The following MAP2 variants were observed in gnomAD, a reference collection of about 807,000 sequenced individuals.
MAP2 encodes microtubule associated protein 2.
MAP2 carries 14 observed loss-of-function variants against 137.6 expected under a neutral mutation model. The ratio of observed to expected loss-of-function variants is 0.10; its 90% CI spans 0.07 to 0.16. MAP2 has a LOEUF of 0.16. Among genes scored for constraint, MAP2 ranks in the 10% least tolerant of loss-of-function variants. The probability of loss-of-function intolerance (pLI) is 1.00; values close to 1 mark genes in which losing one functional copy is unlikely to be tolerated. For synonymous variants in MAP2, 786 were observed against 782.3 expected, an observed-to-expected ratio of 1.00 and a Z score of -0.08; for missense variants, 2,088 against 2,191.5, an observed-to-expected ratio of 0.95 and a Z score of 0.94.
chr2:209,692,737 T>G lies in MAP2; in HGVS notation c.567T>G (p.Gly189=). 1 of 1,614,064 alleles carries G rather than the reference T, an allele frequency of 6.2e-7. No homozygotes were observed. The highest frequency in any genetic ancestry group is 1.3e-5 in the African/African-American group (1 of 75,036). ...EKESEKQSKP[G]EDLKHAALVS... is the part of the protein sequence containing the mutation. Reference sequence around the variant, plus strand: ...AGTCAGAGAAGCAAAGTAAGCCTGGTGAAGACCTTAAACATGCTGCCTTAG... The same window carrying G: ...AGTCAGAGAAGCAAAGTAAGCCTGGGGAAGACCTTAAACATGCTGCCTTAG... The change falls in exon 8 of 16, where the codon GGT becomes GGG. Residue 189 remains glycine (G), a synonymous_variant. Transcript: ENST00000682079.
chr2:209,638,426 A>G (rs1353825469), intron 4 of MAP2, among the ~76,000 whole-genome samples: 1 of 152,154 alleles, frequency 6.6e-6, no homozygotes, highest in African/African-American at 2.4e-5. Flanking sequence ...TCACAATTAC[A>G]GCTGCAGTGG....
chr2:209,525,081 T>G (rs911387520), intron 2 of MAP2, among the ~76,000 whole-genome samples: 39 of 152,160 alleles, frequency 2.6e-4, no homozygotes, highest in African/African-American at 8.9e-4. Flanking sequence ...ACGTTCTAGC[T>G]TTTATCCATA....
rs901522949 is a variant in MAP2 at position 209,560,637 on chromosome 2, C to T, written c.-171-19399C>T. Among the ~76,000 whole-genome samples the T allele has an allele frequency of 1.3e-4, 20 of 152,118 alleles. No individual in the cohort carries two copies. The South Asian group carries it at 4.2e-3, about 32-fold the overall frequency. On this transcript the variant is annotated intron_variant, in intron 2 of 15. Coordinates refer to ENST00000682079, the MANE Select transcript of MAP2 (RefSeq NM_001375505.1). ...CGGGGATTACAAACATGAGGCACTGCACCTTGCCAATGTTTATATTTTTTG... is the reference window on the plus strand; with the variant it reads ...CGGGGATTACAAACATGAGGCACTGTACCTTGCCAATGTTTATATTTTTTG...
chr2:209,473,692 A>G (rs1467623138), intron 1 of MAP2, among the ~76,000 whole-genome samples: 1 of 152,096 alleles, frequency 6.6e-6, no homozygotes, highest in Non-Finnish European at 1.5e-5. Flanking sequence ...GGAATTATTA[A>G]TAGAGATCTC....
chr2:209,464,177 G>A (rs535183512), intron 1 of MAP2, among the ~76,000 whole-genome samples: 31 of 152,186 alleles, frequency 2.0e-4, no homozygotes, highest in Middle Eastern at 3.4e-3. Context: ...TGATTGAAAT[G>A]GTTCACTAAA....
intron 7 of MAP2, among the ~76,000 whole-genome samples, chr2:209,684,060 A>C (rs2055992022): frequency 6.6e-6 from 1 of 152,224 alleles, no homozygotes; most frequent in African/African-American, 2.4e-5. Context: ...CAAGCTGCAC[A>C]CTTAGAAAAG....
chr2:209,572,839 C>T (rs2153377027), intron 2 of MAP2, among the ~76,000 whole-genome samples: 1 of 152,274 alleles, frequency 6.6e-6, no homozygotes, highest in East Asian at 1.9e-4. Flanking sequence ...CAAAAGACAG[C>T]CATGAGAGTG....
chr2:209,707,175 A>T (rs1263665821), intron 12 of MAP2, among the ~76,000 whole-genome samples: 1 of 152,188 alleles, frequency 6.6e-6, no homozygotes, highest in Non-Finnish European at 1.5e-5. Context: ...TTCTCCATAA[A>T]TCCACTTCTT....
rs548113401 is a variant in MAP2, at chr2:209,565,667, G to A, written c.-171-14369G>A. ...TTTCTCACATTTGTCATACAATTTT[G>A]TGATCTTTCTCTCTGAGGCCGTTAG... On this transcript the variant is annotated intron_variant, in intron 2 of 15. Coordinates refer to ENST00000682079, the MANE Select transcript of MAP2 (RefSeq NM_001375505.1). Among the ~76,000 whole-genome samples the A allele has an allele frequency of 7.6e-4, 116 of 151,800 alleles. 1 individual carries two copies. The Middle Eastern group carries it at 0.01, about 13-fold the overall frequency.
chr2:209,544,206 C>G (rs2153274273), intron 2 of MAP2, among the ~76,000 whole-genome samples: 1 of 151,662 alleles, frequency 6.6e-6, no homozygotes, highest in African/African-American at 2.4e-5. Context: ...GCACTCCAGC[C>G]TGGGTGACAG....
At chr2:209,458,887 G>A (rs1474901728) in intron 1 of MAP2, among the ~76,000 whole-genome samples, 1 of 152,112 alleles carries the variant, frequency 6.6e-6, no homozygotes, top group Non-Finnish European at 1.5e-5. Context: ...CTTTTCATAT[G>A]TCAAGCAGAG....
chr2:209,631,741 A>T (rs375413436), intron 4 of MAP2, among the ~76,000 whole-genome samples: 4 of 152,274 alleles, frequency 2.6e-5, no homozygotes, highest in South Asian at 4.1e-4. Context: ...TGAAGCAAAG[A>T]TCTTTCTATT....
At chr2:209,644,753 A>G (rs1220421515) in intron 4 of MAP2, among the ~76,000 whole-genome samples, 1 of 151,952 alleles carries the variant, frequency 6.6e-6, no homozygotes, top group Non-Finnish European at 1.5e-5. Flanking sequence ...TTATATTGCT[A>G]TCATGGTTTG....
At chr2:209,723,580 T>A (rs2153808443) in intron 13 of MAP2, 1 of 1,517,106 alleles carries the variant, frequency 6.6e-7, no homozygotes. Context: ...TGAAGTTACC[T>A]CCAATTCCTT....
intron 13 of MAP2, among the ~76,000 whole-genome samples, chr2:209,723,263 C>T (rs747843236): frequency 2.0e-4 from 30 of 152,160 alleles, no homozygotes; most frequent in Non-Finnish European, 3.5e-4. Flanking sequence ...CTAGAGTGAG[C>T]CTGAGTCCCA....
chr2:209,608,023 C>T (rs2085402372), intron 3 of MAP2, among the ~76,000 whole-genome samples: 1 of 152,152 alleles, frequency 6.6e-6, no homozygotes, highest in Admixed American at 6.5e-5. Context: ...GAGAGATCTC[C>T]TGTGATCATC....
chr2:209,448,130 A>G (rs1159766232), intron 1 of MAP2, among the ~76,000 whole-genome samples: 1 of 152,134 alleles, frequency 6.6e-6, no homozygotes, highest in Non-Finnish European at 1.5e-5. Context: ...CTACTGTCCT[A>G]CAACAGCATT....
At chr2:209,462,384 G>A (rs1347527696) in intron 1 of MAP2, among the ~76,000 whole-genome samples, 1 of 152,202 alleles carries the variant, frequency 6.6e-6, no homozygotes, top group Non-Finnish European at 1.5e-5. Context: ...CTTTGTCATG[G>A]ATTTAACACA....
chr2:209,443,605 C>T lies in MAP2; in HGVS notation c.-222+19329C>T, dbSNP rs114544792. On this transcript the variant is annotated intron_variant, in intron 1 of 15. Transcript: ENST00000682079. Reference sequence around the variant, plus strand: ...CCAAAGAACACTTGTTCCATTATTACACCCTATCCTGGATAAACTAAAGAC... The same window carrying T: ...CCAAAGAACACTTGTTCCATTATTATACCCTATCCTGGATAAACTAAAGAC... Among the ~76,000 whole-genome samples, 249 of 151,694 alleles carry T rather than the reference C, an allele frequency of 1.6e-3. 1 individual carries two copies. The highest frequency in any genetic ancestry group is 5.8e-3 in the African/African-American group (240 of 41,472).
Sources: allele counts gnomAD v4.1 joint callset (sites outside exome capture counted in the v4.1 genomes callset), GRCh38; gene constraint gnomAD v4.1.1; transcripts MANE v1.5; gene names NCBI Gene and HGNC (gene_info 2026-07-23, HGNC 2026-07-21).